Variants in LYPLAL1 observed in about 807,000 individuals in gnomAD.
LYPLAL1 encodes lysophospholipase-like protein 1.
LYPLAL1 carries 23 observed loss-of-function variants against 19.7 expected under a neutral mutation model. That is an observed-to-expected ratio of 1.17 (90% CI 0.84 to 1.65). The LOEUF (loss-of-function observed/expected upper bound fraction) is 1.65. Among genes scored for constraint, LYPLAL1 ranks in the 40% most tolerant of loss-of-function variants. LYPLAL1 has a pLI of 0.00. For synonymous variants in LYPLAL1, 119 were observed against 96.3 expected, an observed-to-expected ratio of 1.24 and a Z score of -1.38; for missense variants, 355 against 279.4, an observed-to-expected ratio of 1.27 and a Z score of -1.93.
the LYPLAL1 span, among the ~76,000 whole-genome samples, chr1:219,385,355 C>T: frequency 6.6e-6 from 1 of 152,200 alleles, no homozygotes; most frequent in East Asian, 1.9e-4. Flanking sequence ...GTCTGAATCC[C>T]AAAGCCACTC....
At chr1:219,412,139 C>T in the LYPLAL1 span, among the ~76,000 whole-genome samples, 6 of 152,164 alleles carry the variant, frequency 3.9e-5, no homozygotes, top group African/African-American at 1.4e-4. Flanking sequence ...GCCTCAAACT[C>T]CTGGGCTCAA....
chr1:219,347,237 A>T, the LYPLAL1 span, among the ~76,000 whole-genome samples: 1 of 151,960 alleles, frequency 6.6e-6, no homozygotes, highest in Non-Finnish European at 1.5e-5. Flanking sequence ...CAGGGTTTTG[A>T]TTAATTCACT....
intron 2 of LYPLAL1, among the ~76,000 whole-genome samples, chr1:219,185,749 C>T (rs1656672264): frequency 6.6e-6 from 1 of 151,924 alleles, no homozygotes; most frequent in Non-Finnish European, 1.5e-5. Context: ...TGGATATTAA[C>T]TGGGACCTGC....
the LYPLAL1 span, among the ~76,000 whole-genome samples, chr1:219,373,950 A>T: frequency 6.6e-6 from 1 of 151,996 alleles, no homozygotes; most frequent in East Asian, 1.9e-4. Context: ...AACCAAACCA[A>T]ACCTCCAAAA....
chr1:219,280,231 C>A, the LYPLAL1 span, among the ~76,000 whole-genome samples: 3 of 152,204 alleles, frequency 2.0e-5, no homozygotes, highest in African/African-American at 7.2e-5. Context: ...CATAACTTTT[C>A]TAAGCCTCAT....
the LYPLAL1 span, among the ~76,000 whole-genome samples, chr1:219,233,424 T>G: frequency 6.6e-6 from 1 of 152,200 alleles, no homozygotes; most frequent in South Asian, 2.1e-4. Context: ...GTTTGCACAA[T>G]AGTATTAATA....
chr1:219,383,564 A>G, the LYPLAL1 span, among the ~76,000 whole-genome samples: 7 of 152,358 alleles, frequency 4.6e-5, no homozygotes, highest in East Asian at 5.8e-4. Context: ...CTAATATTCA[A>G]CAGATGCCTA....
the LYPLAL1 span, among the ~76,000 whole-genome samples, chr1:219,288,510 A>G: frequency 1.5e-3 from 228 of 152,306 alleles, 2 homozygotes; most frequent in African/African-American, 5.3e-3. Flanking sequence ...GGGCAGTGAA[A>G]ATTTTCACGG....
chr1:219,261,952 T>C, the LYPLAL1 span, among the ~76,000 whole-genome samples: 2 of 152,320 alleles, frequency 1.3e-5, no homozygotes, highest in East Asian at 3.9e-4. Flanking sequence ...TTCCAAACTT[T>C]TAGATTTCTC....
rs60036848 is a variant in LYPLAL1 at position 219,193,058 on chromosome 1, T to TGG, written c.192-16_192-15dup. On this transcript the variant is annotated intron_variant, in intron 2 of 4. Coordinates refer to ENST00000366928, the MANE Select transcript of LYPLAL1 (RefSeq NM_138794.5). ...TATTCCCTTTTCCTTTCTTTTTTTT[T>TGG]GGGGGGGGGCGGTTGTTAAACAGAT... The TGG allele has an allele frequency of 0.043, 49,408 of 1,148,970 alleles. 305 individuals carry two copies. The highest frequency in any genetic ancestry group is 0.049 in the Non-Finnish European group (42,042 of 856,368). The allele number at this position is 1,148,970 out of a possible 1,614,324, so 71.2% of individuals were successfully genotyped here. A position where few individuals can be genotyped will look rare whatever the true frequency, so the allele number is the denominator to read the frequency against.
At chr1:219,442,064 A>C in the LYPLAL1 span, among the ~76,000 whole-genome samples, 1 of 152,200 alleles carries the variant, frequency 6.6e-6, no homozygotes, top group Non-Finnish European at 1.5e-5. Flanking sequence ...CTCATCTGGC[A>C]AATGATTAAA....
chr1:219,433,937 ATTCACACCTGGGCTCC>A, the LYPLAL1 span, among the ~76,000 whole-genome samples: 1 of 152,222 alleles, frequency 6.6e-6, no homozygotes, highest in South Asian at 2.1e-4. Flanking sequence ...TAAATCAATT[ATTCACACCTGGGCTCC>A]TGAAATCACC....
the LYPLAL1 span, among the ~76,000 whole-genome samples, chr1:219,428,540 A>C: frequency 6.6e-6 from 1 of 152,246 alleles, no homozygotes; most frequent in East Asian, 1.9e-4. Flanking sequence ...TTTTCAGTGC[A>C]ATCTACAAAA....
the LYPLAL1 span, among the ~76,000 whole-genome samples, chr1:219,412,311 G>C: frequency 6.6e-6 from 1 of 152,196 alleles, no homozygotes; most frequent in Non-Finnish European, 1.5e-5. Context: ...ACAGGTATGA[G>C]CCACTGCACC....
At chr1:219,234,373 A>T in the LYPLAL1 span, among the ~76,000 whole-genome samples, 3 of 152,182 alleles carry the variant, frequency 2.0e-5, no homozygotes, top group African/African-American at 7.2e-5. Flanking sequence ...GAATCAAATT[A>T]TTATAGAGCC....
chr1:219,254,334 G>A, the LYPLAL1 span, among the ~76,000 whole-genome samples: 1 of 151,904 alleles, frequency 6.6e-6, no homozygotes, highest in African/African-American at 2.4e-5. Flanking sequence ...CTGTTAGCTG[G>A]TTATTATGTT....
At chr1:219,388,242 G>A in the LYPLAL1 span, among the ~76,000 whole-genome samples, 1 of 152,040 alleles carries the variant, frequency 6.6e-6, no homozygotes, top group Non-Finnish European at 1.5e-5. Flanking sequence ...TGTTTTCTTG[G>A]CAAGACCATG....
chr1:219,235,740 T>C, the LYPLAL1 span, among the ~76,000 whole-genome samples: 1 of 152,198 alleles, frequency 6.6e-6, no homozygotes, highest in Non-Finnish European at 1.5e-5. Flanking sequence ...GATGCCAATA[T>C]GGAGATTAAG....
the LYPLAL1 span, among the ~76,000 whole-genome samples, chr1:219,390,535 C>T: frequency 1.3e-5 from 2 of 152,218 alleles, no homozygotes; most frequent in African/African-American, 2.4e-5. Context: ...CGACCTTTGC[C>T]GACAATGCAG....
Sources: gnomAD v4.1 joint callset for allele counts (sites outside exome capture counted in the v4.1 genomes callset) on GRCh38, gnomAD v4.1.1 for gene constraint, MANE v1.5 for transcripts, NCBI Gene and HGNC (gene_info 2026-07-23, HGNC 2026-07-21) for gene names.